Variants in SETBP1 observed in about 807,000 individuals in gnomAD.
SETBP1 encodes the protein SET binding protein 1, also known as SET-binding protein.
SETBP1 carries 9 observed loss-of-function variants against 101.0 expected under a neutral mutation model. The observed-to-expected ratio is 0.09, with a 90% CI of 0.05 to 0.16. The LOEUF (loss-of-function observed/expected upper bound fraction) is 0.16. Among genes scored for constraint, SETBP1 ranks in the 10% least tolerant of loss-of-function variants. The pLI is 1.00. For synonymous variants in SETBP1, 818 were observed against 788.5 expected, an observed-to-expected ratio of 1.04 and a Z score of -0.63; for missense variants, 1,858 against 2,033.8, an observed-to-expected ratio of 0.91 and a Z score of 1.66.
intron 4 of SETBP1, chr18:44,987,148 G>A (rs943742211): frequency 6.6e-6 from 1 of 152,082 alleles, no homozygotes; most frequent in Non-Finnish European, 1.5e-5. Context: ...AACATCACCA[G>A]GCATTTTAGG....
intron 2 of SETBP1, among the ~76,000 whole-genome samples, chr18:44,801,722 C>G (rs1387150029): frequency 6.6e-6 from 1 of 150,394 alleles, no homozygotes; most frequent in African/African-American, 2.4e-5. Context: ...TTGAGCTTGC[C>G]ATATAAAAAG....
intron 4 of SETBP1, among the ~76,000 whole-genome samples, chr18:44,993,564 AAC>A (rs1466949491): frequency 7.9e-5 from 12 of 152,054 alleles, no homozygotes; most frequent in Non-Finnish European, 1.8e-4. Flanking sequence ...AAATACATCT[AAC>A]AAAATACATA....
In SETBP1 at chr18:44,850,809, A is replaced by G. The variant is rs868847211; in HGVS notation, c.487-18421A>G. ...GCTTCCCAGACCTCTAGGCAGCCTC[A>G]CTGACCATGTCAAAATTAAATCACA... On this transcript the variant is annotated intron_variant, in intron 2 of 5. Transcript: ENST00000649279. 5.3e-5 allele frequency among the ~76,000 whole-genome samples: 8 copies of G among 152,322 alleles called. No individual in the cohort carries two copies. The South Asian group carries it at 1.4e-3, about 28-fold the overall frequency.
chr18:45,019,534 T>G (rs1196652998), intron 4 of SETBP1, among the ~76,000 whole-genome samples: 2 of 152,210 alleles, frequency 1.3e-5, no homozygotes, highest in African/African-American at 2.4e-5. Flanking sequence ...TTTCATTTGC[T>G]CTCTGAATCC....
At chr18:44,704,179 T>C (rs1030850974) in intron 2 of SETBP1, among the ~76,000 whole-genome samples, 10 of 152,252 alleles carry the variant, frequency 6.6e-5, no homozygotes, top group African/African-American at 2.4e-4. Context: ...TTTTGGAATC[T>C]GTACCATCGG....
intron 1 of SETBP1, among the ~76,000 whole-genome samples, chr18:44,695,739 C>T (rs558755850): frequency 6.6e-6 from 1 of 152,252 alleles, no homozygotes; most frequent in South Asian, 2.1e-4. Flanking sequence ...CTGAGAGGTG[C>T]ACGTGTTGTT....
chr18:44,775,324 T>G (rs1212639077), intron 2 of SETBP1, among the ~76,000 whole-genome samples: 1 of 152,210 alleles, frequency 6.6e-6, no homozygotes, highest in Non-Finnish European at 1.5e-5. Context: ...AACATGGATA[T>G]TTCTATGTGA....
At chr18:44,772,369 T>A (rs1447654245) in intron 2 of SETBP1, among the ~76,000 whole-genome samples, 1 of 152,156 alleles carries the variant, frequency 6.6e-6, no homozygotes, top group East Asian at 1.9e-4. Flanking sequence ...AGGACCCACA[T>A]CTGCCTGGAG....
intron 2 of SETBP1, among the ~76,000 whole-genome samples, chr18:44,782,310 CT>C (rs940684960): frequency 1.3e-5 from 1 of 75,986 alleles, no homozygotes; most frequent in African/African-American, 4.2e-5. Flanking sequence ...GTAAAATAAA[CT>C]CTTTTTTTTT....
chr18:44,779,851 C>T (rs951216302), intron 2 of SETBP1, among the ~76,000 whole-genome samples: 1 of 152,128 alleles, frequency 6.6e-6, no homozygotes, highest in African/African-American at 2.4e-5. Flanking sequence ...TTCTGTTCCT[C>T]TGCGGTTGTG....
Position 44,701,372 on chromosome 18 carries a change from G to T in SETBP1, c.26G>T (p.Ser9Ile). 1.3e-6 allele frequency: 2 copies of T among 1,528,434 alleles called. No individual in the cohort carries two copies. The highest frequency in any genetic ancestry group is 1.8e-6 in the Non-Finnish European group (2 of 1,134,434). 94.7% of individuals were successfully genotyped at this position (1,528,434 alleles called of 1,614,324 possible). The stretch of plus-strand genomic sequence containing the variant: ...ATGGAGTCCAGGGAAACCTTAAGCA[G>T]CTCCCGGCAAAGAGGGGGCGAGTCA... MESRETLS[S>I]SRQRGGESDF... Residue 9 changes from serine to isoleucine, a missense_variant, in exon 2 of 6, where the codon AGC (serine) becomes ATC (isoleucine). Physicochemically the swap from Ser to Ile is moderately radical, Grantham distance 142. Coordinates refer to ENST00000649279, the MANE Select transcript of SETBP1 (RefSeq NM_015559.3).
At chr18:44,725,209 ATTG>A (rs1390236562) in intron 2 of SETBP1, among the ~76,000 whole-genome samples, 1 of 152,114 alleles carries the variant, frequency 6.6e-6, no homozygotes, top group South Asian at 2.1e-4. Context: ...TGATGCTGTT[ATTG>A]TTCTTTTCTT....
chr18:44,867,094 A>T (rs934311238), intron 2 of SETBP1, among the ~76,000 whole-genome samples: 3 of 152,248 alleles, frequency 2.0e-5, no homozygotes, highest in Non-Finnish European at 4.4e-5. Context: ...AAACCTAGAA[A>T]ATGTTACTTA....
At chr18:44,855,584 G>T (rs993075199) in intron 2 of SETBP1, among the ~76,000 whole-genome samples, 1 of 152,222 alleles carries the variant, frequency 6.6e-6, no homozygotes, top group Admixed American at 6.5e-5. Flanking sequence ...GGTGGCAAGA[G>T]CCAGATGGGC....
chr18:45,048,864 C>A (rs1029371895), intron 5 of SETBP1, among the ~76,000 whole-genome samples: 1 of 148,520 alleles, frequency 6.7e-6, no homozygotes, highest in Non-Finnish European at 1.5e-5. Context: ...CCCAGCTACT[C>A]GGAAGGCTGA....
At chr18:44,998,005 T>A (rs1386945766) in intron 4 of SETBP1, among the ~76,000 whole-genome samples, 1 of 152,178 alleles carries the variant, frequency 6.6e-6, no homozygotes, top group Non-Finnish European at 1.5e-5. Context: ...TAGCACATAT[T>A]GTAACTTGGA....
intron 5 of SETBP1, among the ~76,000 whole-genome samples, chr18:45,047,527 T>TA (rs2073637079): frequency 6.6e-6 from 1 of 152,186 alleles, no homozygotes; most frequent in African/African-American, 2.4e-5. Context: ...GCAACTGTGT[T>TA]AATGAGAAGG....
At chr18:44,819,256 T>C (rs1244169137) in intron 2 of SETBP1, among the ~76,000 whole-genome samples, 1 of 152,160 alleles carries the variant, frequency 6.6e-6, no homozygotes, top group Non-Finnish European at 1.5e-5. Flanking sequence ...TTTTGAGCAG[T>C]AGTACCAGAC....
chr18:44,870,621 A>C (rs1444325872), intron 3 of SETBP1: 1 of 152,212 alleles, frequency 6.6e-6, no homozygotes, highest in Non-Finnish European at 1.5e-5. Context: ...GGAATGTGAA[A>C]CAAAAACAAA....
Sources: allele counts gnomAD v4.1 joint callset (sites outside exome capture counted in the v4.1 genomes callset), GRCh38; gene constraint gnomAD v4.1.1; transcripts MANE v1.5; gene names NCBI Gene and HGNC (gene_info 2026-07-23, HGNC 2026-07-21).